Variants in LRGUK observed in about 807,000 individuals in gnomAD.
LRGUK encodes leucine-rich repeat and guanylate kinase domain-containing protein.
In LRGUK, 65 loss-of-function variants were observed where a neutral mutation model predicts 76.0. That is an observed-to-expected ratio of 0.85 (90% CI 0.70 to 1.05). The LOEUF (loss-of-function observed/expected upper bound fraction) is 1.05. Among genes scored for constraint, LRGUK ranks in the 50% least tolerant of loss-of-function variants. The pLI is 0.00. For missense variants in LRGUK, 758 were observed against 732.8 expected (o/e 1.03, Z -0.40); for synonymous variants, 268 against 265.6 (o/e 1.01, Z -0.09).
chr7:134,146,835 T>A (rs17167502), intron 4 of LRGUK, among the ~76,000 whole-genome samples: 19,709 of 152,138 alleles, frequency 0.13, 1,615 homozygotes, highest in East Asian at 0.33. Flanking sequence ...ATGGAAAAAT[T>A]AGAATAGTGC....
intron 7 of LRGUK, among the ~76,000 whole-genome samples, chr7:134,172,587 G>C (rs4319023): frequency 0.14 from 21,762 of 152,176 alleles, 2,214 homozygotes; most frequent in East Asian, 0.38. Flanking sequence ...TTTCCACTCT[G>C]ACCAGCAATG....
chr7:134,170,367 G>A (rs564920814), intron 7 of LRGUK, among the ~76,000 whole-genome samples: 2 of 151,684 alleles, frequency 1.3e-5, no homozygotes, highest in South Asian at 2.1e-4. Flanking sequence ...TTTTTCCCCT[G>A]GTTTCTTTCA....
intron 1 of LRGUK, among the ~76,000 whole-genome samples, chr7:134,133,802 G>A (rs73454642): frequency 0.14 from 20,570 of 152,120 alleles, 1,716 homozygotes; most frequent in East Asian, 0.33. Context: ...GCTCATGCCT[G>A]TAGTCCCAGC....
At chr7:134,260,493 G>A (rs1217861654) in intron 19 of LRGUK, among the ~76,000 whole-genome samples, 2 of 152,180 alleles carry the variant, frequency 1.3e-5, no homozygotes, top group African/African-American at 2.4e-5. Flanking sequence ...CTAGCTCAGC[G>A]CTGCAGAGGA....
At position 134,153,990 on chromosome 7, in the gene LRGUK, C is replaced by T. The variant is rs1212819111; in HGVS notation, c.671-4045C>T. 2.0e-5 allele frequency among the ~76,000 whole-genome samples: 3 copies of T among 152,324 alleles called. No individual in the cohort carries two copies. The East Asian group carries it at 5.8e-4, about 29-fold the overall frequency. On this transcript the variant is annotated intron_variant, in intron 5 of 15. Transcript: ENST00000645682. The stretch of plus-strand genomic sequence containing the variant: ...AATAATTCATGTCAAGCATTGTGAA[C>T]TACTGTCAGCATCGTCAAAATGTAA...
intron 5 of LRGUK, 117 bp from the exon 6 acceptor site, chr7:134,157,918 T>G (rs1030451263): frequency 1.4e-6 from 1 of 738,340 alleles, no homozygotes; most frequent in Admixed American, 2.5e-5. Context: ...ATTGGGCATA[T>G]AATCGTTCTT....
At chr7:134,241,853 G>A (rs1189061137) in intron 16 of LRGUK, among the ~76,000 whole-genome samples, 4 of 152,174 alleles carry the variant, frequency 2.6e-5, no homozygotes, top group South Asian at 2.1e-4. Context: ...ATAACAAACT[G>A]TCTCTCAGAC....
At chr7:134,181,414 A>G (rs1799741980) in intron 10 of LRGUK, among the ~76,000 whole-genome samples, 1 of 151,188 alleles carries the variant, frequency 6.6e-6, no homozygotes, top group Non-Finnish European at 1.5e-5. Flanking sequence ...TCTAATTGGA[A>G]GTTTTTTTCT....
intron 16 of LRGUK, among the ~76,000 whole-genome samples, chr7:134,223,740 G>C (rs937887916): frequency 1.3e-5 from 2 of 152,208 alleles, no homozygotes; most frequent in African/African-American, 2.4e-5. Context: ...CAGTGGCCCT[G>C]GTATTCTCCA....
chr7:134,259,336 T>A (rs1802663111), intron 19 of LRGUK, among the ~76,000 whole-genome samples: 3 of 151,978 alleles, frequency 2.0e-5, no homozygotes. Context: ...TGGGAGAGAA[T>A]AATCTGGGTG....
At chr7:134,253,530 C>T (rs185735158) in intron 18 of LRGUK, among the ~76,000 whole-genome samples, 506 of 152,260 alleles carry the variant, frequency 3.3e-3, no homozygotes, top group Non-Finnish European at 5.3e-3. Flanking sequence ...AAATTGATGT[C>T]AGGCCTGGGC....
intron 12 of LRGUK, 25 bp downstream of exon 12, chr7:134,191,776 AT>A: frequency 1.4e-6 from 2 of 1,453,380 alleles, no homozygotes; most frequent in South Asian, 2.4e-5. Flanking sequence ...CTTTGTTTTT[AT>A]TGCACAAGAA....
intron 11 of LRGUK, among the ~76,000 whole-genome samples, chr7:134,187,191 A>T (rs893650903): frequency 1.2e-4 from 18 of 152,056 alleles, no homozygotes; most frequent in Non-Finnish European, 2.1e-4. Flanking sequence ...AAAAAAAAAA[A>T]ACCAAAGCAC....
chr7:134,165,376 G>C (rs1017124660), intron 7 of LRGUK, among the ~76,000 whole-genome samples: 1 of 152,066 alleles, frequency 6.6e-6, no homozygotes, highest in Admixed American at 6.5e-5. Context: ...GTTTGCCTCC[G>C]GTTTCAATGT....
At chr7:134,202,174 G>C (rs537167143) in intron 15 of LRGUK, among the ~76,000 whole-genome samples, 2 of 152,244 alleles carry the variant, frequency 1.3e-5, no homozygotes, top group African/African-American at 4.8e-5. Flanking sequence ...ACATGATGTA[G>C]TATATGTAAG....
intron 9 of LRGUK, among the ~76,000 whole-genome samples, chr7:134,178,286 G>A (rs554794609): frequency 6.6e-6 from 1 of 152,058 alleles, no homozygotes; most frequent in Non-Finnish European, 1.5e-5. Flanking sequence ...GAGATCAAAA[G>A]ACTCCACTCA....
chr7:134,268,382 C>T (rs958729234), downstream of LRGUK, among the ~76,000 whole-genome samples: 3 of 150,954 alleles, frequency 2.0e-5, no homozygotes, highest in Non-Finnish European at 4.4e-5. Flanking sequence ...AAAACAAACT[C>T]TTTTCTTAAA....
intron 16 of LRGUK, among the ~76,000 whole-genome samples, chr7:134,233,077 T>C (rs1243664530): frequency 6.6e-6 from 1 of 151,982 alleles, no homozygotes; most frequent in Non-Finnish European, 1.5e-5. Flanking sequence ...CAGTGAGAGG[T>C]TTTTATTTTT....
At chr7:134,255,866 G>A (rs1004413369) in intron 18 of LRGUK, among the ~76,000 whole-genome samples, 6 of 151,960 alleles carry the variant, frequency 3.9e-5, no homozygotes, top group Admixed American at 1.3e-4. Flanking sequence ...ATTCCTTGCC[G>A]AGGTCCTACC....
Sources: gnomAD v4.1 joint callset for allele counts (sites outside exome capture counted in the v4.1 genomes callset) on GRCh38, gnomAD v4.1.1 for gene constraint, MANE v1.5 for transcripts, NCBI Gene and HGNC (gene_info 2026-07-23, HGNC 2026-07-21) for gene names.